VAV1: variants seen among roughly 807,000 people sequenced by gnomAD.
The protein encoded by VAV1 is proto-oncogene vav.
Under a neutral mutation model 128.1 loss-of-function variants are expected in VAV1, and 33 were observed. That is an observed-to-expected ratio of 0.26 (90% CI 0.20 to 0.34). The LOEUF is 0.34. Ranked by LOEUF, VAV1 falls within the 10% of genes least tolerant of loss-of-function variation. The probability of loss-of-function intolerance (pLI) is 1.00; values close to 1 mark genes in which losing one functional copy is unlikely to be tolerated. For synonymous variants in VAV1, 394 were observed against 409.8 expected, an observed-to-expected ratio of 0.96 and a Z score of 0.47; for missense variants, 715 against 1,093.7, an observed-to-expected ratio of 0.65 and a Z score of 4.88.
chr19:6,819,758 G>C (rs2144766175), intron 1 of VAV1, among the ~76,000 whole-genome samples: 1 of 152,338 alleles, frequency 6.6e-6, no homozygotes, highest in South Asian at 2.1e-4. Context: ...GAAGCTGGTG[G>C]ATGGAAGGCT....
intron 1 of VAV1, among the ~76,000 whole-genome samples, chr19:6,773,748 T>C (rs1175786974): frequency 1.3e-5 from 2 of 152,106 alleles, no homozygotes; most frequent in African/African-American, 4.8e-5. Context: ...TGTATGAGAC[T>C]GGCTCAGGAA....
intron 1 of VAV1, among the ~76,000 whole-genome samples, chr19:6,805,842 G>A (rs570713585): frequency 6.5e-4 from 99 of 151,768 alleles, no homozygotes; most frequent in African/African-American, 2.1e-3. Flanking sequence ...GAGGAGGAAA[G>A]GAAGGAAGGA....
chr19:6,822,621 C>T lies in VAV1; in HGVS notation c.654+107C>T, dbSNP rs1016890868. The T allele has an allele frequency of 1.1e-6, 1 of 949,820 alleles. No homozygotes were observed. The highest frequency in any genetic ancestry group is 1.5e-6 in the Non-Finnish European group (1 of 646,682). The allele number at this position is 949,820 out of a possible 1,614,324, so 58.8% of individuals were successfully genotyped here. On this transcript the variant is annotated intron_variant, in intron 6 of 26. Coordinates refer to ENST00000602142, the MANE Select transcript of VAV1 (RefSeq NM_005428.4). The surrounding 1 kb of genome is among the most constrained non-coding windows in gnomAD (Gnocchi z 5.9). ...CTGGGCAGCTGAGGATTTCCTGCTC[C>T]CATCGCTTTTCCTTTCTGTGACTGT...
In VAV1 at chr19:6,789,260, C is replaced by CT. The variant is rs771682522; in HGVS notation, c.204+16261dup. Among the ~76,000 whole-genome samples the CT allele has an allele frequency of 3.3e-3, 483 of 144,896 alleles. 3 individuals are homozygous for CT. The East Asian group carries it at 0.034, about 10-fold the overall frequency. ...TTTCTTTCTTTCTCTCTCCTTTCTT[C>CT]TTTTTTTTTTTTGACAGAGTCTCAC... On this transcript the variant is annotated intron_variant, in intron 1 of 26. Transcript: ENST00000602142.
chr19:6,826,063 C>T lies in VAV1; in HGVS notation c.828-549C>T, dbSNP rs148510385. Among the ~76,000 whole-genome samples the T allele has an allele frequency of 0.013, 1,929 of 144,582 alleles. 24 individuals are homozygous for T. Among genetic ancestry groups the T allele is most frequent in the Non-Finnish European group, 0.018 (1,210 of 65,700 alleles). The allele number at this position is 144,582 out of a possible 152,430, so 94.9% of individuals were successfully genotyped here. On this transcript the variant is annotated intron_variant, in intron 8 of 26. Transcript: ENST00000602142. This position sits in a 1 kb window ranked among gnomAD's most constrained non-coding sequence, Gnocchi z 4.1. ...GTCTCAGAAATAAAAACAGGCCAGG[C>T]GTGGTGGCTCACGCCTGTAATTCCA...
chr19:6,779,347 C>T (rs1599613699), intron 1 of VAV1, among the ~76,000 whole-genome samples: 1 of 150,702 alleles, frequency 6.6e-6, no homozygotes, highest in East Asian at 1.9e-4. Flanking sequence ...GCCACTGCAC[C>T]CGGCCAGAAT....
At chr19:6,839,547 C>T (rs931807224) in intron 21 of VAV1, among the ~76,000 whole-genome samples, 2 of 152,006 alleles carry the variant, frequency 1.3e-5, no homozygotes, top group Middle Eastern at 3.2e-3. Context: ...GGATTACAGG[C>T]GTGAGCCACC....
chr19:6,828,007 T>G lies in VAV1; in HGVS notation c.928-69T>G. 1 of 1,371,512 alleles carries G rather than the reference T, an allele frequency of 7.3e-7. No homozygotes were observed. Among genetic ancestry groups the G allele is most frequent in the South Asian group, 1.2e-5 (1 of 85,680 alleles). The allele number at this position is 1,371,512 out of a possible 1,614,324, so 85.0% of individuals were successfully genotyped here. ...GCTCACGTATTTATTCAAATCTATC[T>G]GCACCCACCCTGCAACTGGCTGTTT... On this transcript the variant is annotated intron_variant, in intron 9 of 26. Transcript: ENST00000602142. The surrounding 1 kb of genome is among the most constrained non-coding windows in gnomAD (Gnocchi z 4.5).
At chr19:6,851,012 C>A (rs1450100235) in intron 24 of VAV1, among the ~76,000 whole-genome samples, 5 of 151,808 alleles carry the variant, frequency 3.3e-5, no homozygotes, top group African/African-American at 1.2e-4. Context: ...TATATTCAAG[C>A]ATTATGTATA....
At chr19:6,836,963 T>C in intron 20 of VAV1, 22 bp from the exon 21 acceptor site, 1 of 1,613,514 alleles carries the variant, frequency 6.2e-7, no homozygotes, top group Non-Finnish European at 8.5e-7. Flanking sequence ...TCTGTTCCTG[T>C]TTTTGTCTCC....
In VAV1 at chr19:6,829,842, A is replaced by G. The variant is rs1367078790; in HGVS notation, c.1322A>G (p.Tyr441Cys). ...LLICKRRGDS[Y>C]DLKDFVNLHS... is the part of the protein sequence containing the mutation. Reference sequence around the variant, plus strand: ...ATCTGTAAGCGCAGGGGAGACTCCTATGACCTCAAGGACTTTGTAAACCTG... The same window carrying G: ...ATCTGTAAGCGCAGGGGAGACTCCTGTGACCTCAAGGACTTTGTAAACCTG... The change falls in exon 14 of 27, where the codon TAT becomes TGT. Residue 441 changes from tyrosine (Y) to cysteine (C), a missense_variant. Transcript: ENST00000602142. The G allele has an allele frequency of 6.2e-7, 1 of 1,614,070 alleles. No homozygotes were observed. Among genetic ancestry groups the G allele is most frequent in the African/African-American group, 1.3e-5 (1 of 74,924 alleles).
intron 1 of VAV1, among the ~76,000 whole-genome samples, chr19:6,788,354 TTATTATTA>T (rs1568285225): frequency 8.8e-4 from 3 of 3,402 alleles, no homozygotes; most frequent in African/African-American, 1.5e-3. Context: ...TTTTATTTTA[TTATTATTA>T]TTATTATTAT....
intron 1 of VAV1, among the ~76,000 whole-genome samples, chr19:6,795,265 C>T (rs181848525): frequency 1.4e-3 from 209 of 152,090 alleles, no homozygotes; most frequent in Admixed American, 3.3e-3. Flanking sequence ...TAGTTGTCTT[C>T]CTGGCAGCGC....
intron 21 of VAV1, among the ~76,000 whole-genome samples, chr19:6,839,558 A>G (rs575037034): frequency 1.1e-3 from 160 of 151,950 alleles, no homozygotes; most frequent in Non-Finnish European, 1.3e-3. Flanking sequence ...GTGAGCCACC[A>G]CGCCCGGCTG....
rs774482557 is a variant in VAV1 at position 6,772,999 on chromosome 19, C to T, written c.192C>T (p.Pro64=). The T allele has an allele frequency of 1.2e-6, 2 of 1,613,988 alleles. No individual in the cohort carries two copies. The highest frequency in any genetic ancestry group is 2.7e-5 in the African/African-American group (2 of 74,922). The part of the protein sequence containing the change: ...AINLREVNLR[P]QMSQFLCLKN... ...ACCTGCGTGAGGTCAACCTGCGCCC[C>T]CAGATGTCCCAGGTGAGCCCTCCGC... is the stretch of plus-strand genomic sequence containing the variant. Residue 64 remains proline, a synonymous_variant, in exon 1 of 27, where the codon CCC becomes CCT. Coordinates refer to ENST00000602142, the MANE Select transcript of VAV1 (RefSeq NM_005428.4). This position sits in a 1 kb window ranked among gnomAD's most constrained non-coding sequence, Gnocchi z 4.8.
chr19:6,832,584 G>A (rs1382968656), intron 15 of VAV1, among the ~76,000 whole-genome samples: 1 of 84,868 alleles, frequency 1.2e-5, no homozygotes, highest in East Asian at 5.7e-4. Context: ...CCTCCTCCTC[G>A]CCCTCCTCTT....
rs376632201 is a variant in VAV1, at chr19:6,843,152, G to A, written c.1998G>A (p.Leu666=). 4 of 1,614,168 alleles carry A rather than the reference G, an allele frequency of 2.5e-6. No homozygotes were observed. Among genetic ancestry groups the A allele is most frequent in the Non-Finnish European group, 3.4e-6 (4 of 1,180,034 alleles). Reference sequence around the variant, plus strand: ...ATTCTTAGGGCCCTCCTCAGGACCTGTCTGTTCATCTCTGGTGAGTAGAAA... The same window carrying A: ...ATTCTTAGGGCCCTCCTCAGGACCTATCTGTTCATCTCTGGTGAGTAGAAA... The part of the protein sequence containing the change: ...KPYVHGPPQD[L]SVHLWYAGPM... The change falls in exon 22 of 27, where the codon CTG becomes CTA. Residue 666 remains leucine, a synonymous_variant. Coordinates refer to ENST00000602142, the MANE Select transcript of VAV1 (RefSeq NM_005428.4).
At chr19:6,832,304 C>T in intron 15 of VAV1, 104 bp downstream of exon 15, 1 of 1,020,400 alleles carries the variant, frequency 9.8e-7, no homozygotes, top group Non-Finnish European at 1.5e-6. Flanking sequence ...CATGGGACCA[C>T]TCTGAACCAC....
In VAV1 at chr19:6,784,235, C is replaced by G. The variant is rs547060902; in HGVS notation, c.204+11224C>G. The G allele has an allele frequency of 1.3e-4, 88 of 653,472 alleles. 1 individual carries two copies. Among genetic ancestry groups the G allele is most frequent in the African/African-American group, 1.3e-3 (74 of 56,222 alleles). The allele number at this position is 653,472 out of a possible 1,614,324, so 40.5% of individuals were successfully genotyped here. A position where few individuals can be genotyped will look rare whatever the true frequency, so the allele number is the denominator to read the frequency against. On this transcript the variant is annotated intron_variant, in intron 1 of 26. Transcript: ENST00000602142. ...TGCTACCACTGTACTCCAGACTGGA[C>G]AAAAGAGTAAGACCCTGTCTCTAAA...
Sources: gnomAD v4.1 joint callset for allele counts (sites outside exome capture counted in the v4.1 genomes callset) on GRCh38, gnomAD v4.1.1 for gene constraint, Gnocchi (gnomAD v3.1) non-coding constraint, MANE v1.5 for transcripts, NCBI Gene and HGNC (gene_info 2026-07-23, HGNC 2026-07-21) for gene names.